PTPRT: variants seen among roughly 807,000 people sequenced by gnomAD.
PTPRT encodes receptor-type tyrosine-protein phosphatase T.
Under a neutral mutation model 176.8 loss-of-function variants are expected in PTPRT, and 56 were observed. The observed-to-expected ratio is 0.32, with a 90% CI of 0.26 to 0.40. The LOEUF (loss-of-function observed/expected upper bound fraction) is 0.40. Ranked by LOEUF, PTPRT falls within the 10% of genes least tolerant of loss-of-function variation. The pLI, the probability that PTPRT is intolerant of heterozygous loss-of-function variation, is 1.00. For missense variants in PTPRT, 1,540 were observed against 1,908.2 expected, an observed-to-expected ratio of 0.81 and a Z score of 3.60; for synonymous variants, 783 against 739.0, an observed-to-expected ratio of 1.06 and a Z score of -0.96.
At chr20:42,051,390 A>C in the PTPRT span, among the ~76,000 whole-genome samples, 1 of 152,200 alleles carries the variant, frequency 6.6e-6, no homozygotes, top group Admixed American at 6.5e-5. Context: ...AGGAAGCTCT[A>C]CAGAAAAATG....
intron 19 of PTPRT, among the ~76,000 whole-genome samples, chr20:42,122,895 C>A (rs968527826): frequency 6.6e-6 from 1 of 152,224 alleles, no homozygotes; most frequent in Non-Finnish European, 1.5e-5. Context: ...CAACCCCATG[C>A]ACCCTGTGCT....
intron 2 of PTPRT, among the ~76,000 whole-genome samples, chr20:42,852,713 CTCT>C (rs2078497207): frequency 6.6e-6 from 1 of 152,184 alleles, no homozygotes; most frequent in African/African-American, 2.4e-5. Flanking sequence ...TAGATACCTC[CTCT>C]ATTTCACAAA....
At chr20:42,545,470 G>A (rs996927736) in intron 7 of PTPRT, among the ~76,000 whole-genome samples, 1 of 152,050 alleles carries the variant, frequency 6.6e-6, no homozygotes, top group Non-Finnish European at 1.5e-5. Context: ...CCACTATGGC[G>A]AGATTCTTTT....
At chr20:43,070,777 A>T (rs1390187469) in intron 1 of PTPRT, among the ~76,000 whole-genome samples, 1 of 151,960 alleles carries the variant, frequency 6.6e-6, no homozygotes, top group African/African-American at 2.4e-5. Flanking sequence ...TTGAACAATG[A>T]AAACACTTGG....
intron 1 of PTPRT, among the ~76,000 whole-genome samples, chr20:43,051,795 C>T (rs574286706): frequency 5.9e-5 from 9 of 151,844 alleles, no homozygotes; most frequent in African/African-American, 2.2e-4. Flanking sequence ...ACAACTAAAC[C>T]GTTAAAGGAA....
intron 12 of PTPRT, among the ~76,000 whole-genome samples, chr20:42,306,235 G>T (rs1376608521): frequency 1.3e-5 from 2 of 152,154 alleles, no homozygotes; most frequent in Admixed American, 1.3e-4. Flanking sequence ...GGTGACACTT[G>T]GGGAATTTCT....
chr20:42,132,475 T>C (rs752136680), intron 18 of PTPRT, among the ~76,000 whole-genome samples: 1 of 152,076 alleles, frequency 6.6e-6, no homozygotes, highest in Non-Finnish European at 1.5e-5. Context: ...TAAAACTCAG[T>C]AAGAAAGCAA....
chr20:42,995,040 G>T (rs528218268), intron 1 of PTPRT, among the ~76,000 whole-genome samples: 4 of 152,318 alleles, frequency 2.6e-5, no homozygotes, highest in African/African-American at 9.6e-5. Context: ...TTTGTTTAGG[G>T]AAACATCCTA....
intron 1 of PTPRT, among the ~76,000 whole-genome samples, chr20:43,179,682 T>C (rs2015201632): frequency 6.6e-6 from 1 of 152,240 alleles, no homozygotes; most frequent in Non-Finnish European, 1.5e-5. Flanking sequence ...ACTAAATCTC[T>C]CTATTCTAAG....
chr20:42,319,993 T>C (rs909282793), intron 11 of PTPRT, among the ~76,000 whole-genome samples: 1 of 152,148 alleles, frequency 6.6e-6, no homozygotes, highest in Non-Finnish European at 1.5e-5. Context: ...ACACAGCACA[T>C]AGCATTTACT....
At chr20:42,528,975 G>A (rs924861601) in intron 7 of PTPRT, among the ~76,000 whole-genome samples, 6 of 152,320 alleles carry the variant, frequency 3.9e-5, no homozygotes, top group South Asian at 4.1e-4. Flanking sequence ...CTCTATGACC[G>A]TGTCAACTAT....
intron 7 of PTPRT, among the ~76,000 whole-genome samples, chr20:42,577,194 A>G (rs1300343795): frequency 6.6e-6 from 1 of 152,216 alleles, no homozygotes; most frequent in Non-Finnish European, 1.5e-5. Context: ...CAGAACAGTA[A>G]AGAAACATCA....
chr20:42,299,259 C>A (rs991918616), intron 12 of PTPRT, among the ~76,000 whole-genome samples: 3 of 152,038 alleles, frequency 2.0e-5, no homozygotes, highest in Non-Finnish European at 4.4e-5. Context: ...AAGAAATCAA[C>A]AGGGATGGGC....
Position 42,099,397 on chromosome 20 carries a change from G to A in PTPRT, c.3715-845C>T, listed in dbSNP as rs373747337. On this transcript the variant is annotated intron_variant, in intron 26 of 30. Transcript: ENST00000373187. Reference sequence around the variant, plus strand: ...GAGCCGGAACGTAAGCCTACTGGCAGGGCAGAAACACCCCTGACTTTGTTT... The same window carrying A: ...GAGCCGGAACGTAAGCCTACTGGCAAGGCAGAAACACCCCTGACTTTGTTT... Among the ~76,000 whole-genome samples the A allele has an allele frequency of 9.2e-5, 14 of 152,244 alleles. No individual in the cohort carries two copies. The East Asian group carries it at 2.1e-3, about 23-fold the overall frequency.
intron 1 of PTPRT, among the ~76,000 whole-genome samples, chr20:43,127,514 G>A (rs1165133232): frequency 6.6e-6 from 1 of 151,940 alleles, no homozygotes; most frequent in Non-Finnish European, 1.5e-5. Flanking sequence ...AGCCAGAGAA[G>A]CCCGGAGGTT....
Position 42,199,321 on chromosome 20 carries a change from C to T in PTPRT, c.2410G>A (p.Ala804Thr), listed in dbSNP as rs757952832. Residue 804 changes from alanine to threonine, a missense_variant, in exon 16 of 31, where the codon GCC becomes ACC. Ala to Thr is a moderately conservative substitution (Grantham distance 58). This residue lies in a region of PTPRT where 255 missense variants were observed against 250.1 expected (regional missense o/e 1.02). Transcript: ENST00000373187. ...CTGAGCTTGGTGGTGGGTTTGTCGG[C>T]AGAGGCCACAGGCCCCATCTCCCTC... ...AQREMGPVAS[A>T]DKPTTKLSAS... is the part of the protein sequence containing the mutation. 2.5e-6 allele frequency: 4 copies of T among 1,614,188 alleles called. No individual in the cohort carries two copies. Among genetic ancestry groups the T allele is most frequent in the Non-Finnish European group, 3.4e-6 (4 of 1,180,032 alleles).
chr20:42,698,878 T>TGAATGAATGAAC lies in PTPRT; in HGVS notation c.860-20720_860-20719insGTTCATTCATTC, dbSNP rs1555901149. Among the ~76,000 whole-genome samples, 9 of 152,190 alleles carry TGAATGAATGAAC rather than the reference T, an allele frequency of 5.9e-5. No individual in the cohort carries two copies. In the South Asian group the frequency reaches 1.9e-3, roughly 32 times the overall value. ...ATGAATGAATGAATGAATGAATGAATGAACGAACAAATAAATGGCCCTTCT... is the reference window on the plus strand; with the variant it reads ...ATGAATGAATGAATGAATGAATGAATGAATGAATGAACGAACGAACAAATAAATGGCCCTTCT... On this transcript the variant is annotated intron_variant, in intron 6 of 30. Coordinates refer to ENST00000373187, the MANE Select transcript of PTPRT (RefSeq NM_007050.6).
Position 42,459,571 on chromosome 20 carries a change from G to C in PTPRT, c.1451-11242C>G, listed in dbSNP as rs1341524981. 2.0e-5 allele frequency among the ~76,000 whole-genome samples: 3 copies of C among 152,204 alleles called. No homozygotes were observed. The East Asian group carries it at 5.8e-4, about 29-fold the overall frequency. ...GGCTGTGAGAAATGGTCAAGGTCTT[G>C]ACATACATTGCAGGATGAACCAAGA... On this transcript the variant is annotated intron_variant, in intron 8 of 30. Coordinates refer to ENST00000373187, the MANE Select transcript of PTPRT (RefSeq NM_007050.6).
intron 6 of PTPRT, among the ~76,000 whole-genome samples, chr20:42,704,682 C>A (rs1224152196): frequency 6.6e-6 from 1 of 152,114 alleles, no homozygotes; most frequent in Non-Finnish European, 1.5e-5. Flanking sequence ...CCTCATGCCT[C>A]TCTGCTACTT....
Sources: allele counts gnomAD v4.1 joint callset (sites outside exome capture counted in the v4.1 genomes callset), GRCh38; gene constraint gnomAD v4.1.1; regional missense constraint gnomAD v4.1.1; transcripts MANE v1.5; gene names NCBI Gene and HGNC (gene_info 2026-07-23, HGNC 2026-07-21).